CTXN3: variants seen among roughly 807,000 people sequenced by gnomAD.
The protein encoded by CTXN3 is cortexin-3.
A neutral mutation model predicts 5.0 loss-of-function variants in CTXN3; 4 were observed. The ratio of observed to expected loss-of-function variants is 0.79; its 90% CI spans 0.39 to 1.82. The LOEUF is 1.82. Ranked by LOEUF, CTXN3 falls within the 40% of genes most tolerant of loss-of-function variation. The pLI is 0.04. For missense variants in CTXN3, 89 were observed against 99.7 expected (o/e 0.89, Z 0.46); for synonymous variants, 48 against 38.6 (o/e 1.24, Z -0.91).
rs908276778 is a variant in CTXN3, at chr5:127,657,840, T to G, written c.*73T>G. The stretch of plus-strand genomic sequence containing the variant: ...CTTGGTGAGGATTCCCTTTATTTAG[T>G]GTTCTCAACAAATCAAATTTAAACA... On this transcript the variant is annotated 3_prime_UTR_variant, in exon 3 of 3. Transcript: ENST00000379445. The G allele has an allele frequency of 2.6e-6, 4 of 1,540,714 alleles. No individual in the cohort carries two copies. The highest frequency in any genetic ancestry group is 3.5e-6 in the Non-Finnish European group (4 of 1,129,476).
chr5:127,656,086 T>G (rs1749901162), intron 2 of CTXN3, among the ~76,000 whole-genome samples: 1 of 152,226 alleles, frequency 6.6e-6, no homozygotes, highest in South Asian at 2.1e-4. Context: ...TATTTTTATT[T>G]GGTTATTTTC....
Position 127,657,469 on chromosome 5 carries a change from G to T in CTXN3, c.-53G>T. ...GCAGCCACCATGACCTCCGCAGATT[G>T]ATGATGGAAGAAAAGAAAACCAGGA... On this transcript the variant is annotated 5_prime_UTR_variant, in exon 3 of 3. The change abolishes the stop of an existing upstream ORF in the 5' untranslated region. Transcript: ENST00000379445. 1 of 1,602,596 alleles carries T rather than the reference G, an allele frequency of 6.2e-7. No individual in the cohort carries two copies. The highest frequency in any genetic ancestry group is 8.5e-7 in the Non-Finnish European group (1 of 1,174,912).
At chr5:127,654,956 G>A (rs1436124110) in intron 2 of CTXN3, among the ~76,000 whole-genome samples, 2 of 152,034 alleles carry the variant, frequency 1.3e-5, no homozygotes, top group East Asian at 1.9e-4. Flanking sequence ...ATTATATGGT[G>A]TTTTCCTAAA....
Position 127,657,790 on chromosome 5 carries a change from C to T in CTXN3, c.*23C>T. ...TAGGAGGGATGGTGTGGGATCTCCT[C>T]CTGAGGAGATGAAGTGCTTTGTGTC... On this transcript the variant is annotated 3_prime_UTR_variant, in exon 3 of 3. Coordinates refer to ENST00000379445, the MANE Select transcript of CTXN3 (RefSeq NM_001048252.3). 6.2e-7 allele frequency: 1 copy of T among 1,612,942 alleles called. No individual in the cohort carries two copies. The highest frequency in any genetic ancestry group is 8.5e-7 in the Non-Finnish European group (1 of 1,179,262).
At chr5:127,652,556 G>A (rs1331544092) in intron 1 of CTXN3, among the ~76,000 whole-genome samples, 1 of 151,902 alleles carries the variant, frequency 6.6e-6, no homozygotes, top group South Asian at 2.1e-4. Context: ...CATCCTTGGT[G>A]AAGGGAAACA....
intron 1 of CTXN3, among the ~76,000 whole-genome samples, chr5:127,650,931 G>A (rs2126739938): frequency 6.6e-6 from 1 of 152,214 alleles, no homozygotes; most frequent in Admixed American, 6.5e-5. Flanking sequence ...AAAGTAGAGA[G>A]GGATTCTATT....
At position 127,657,529 on chromosome 5, in the gene CTXN3, G is replaced by A; in HGVS notation, c.8G>A (p.Gly3Glu). The A allele has an allele frequency of 6.2e-7, 1 of 1,613,968 alleles. No individual in the cohort carries two copies. Among genetic ancestry groups the A allele is most frequent in the Non-Finnish European group, 8.5e-7 (1 of 1,179,954 alleles). MD[G>E]GQPIPSSLVP... ...CTCTGGCTTCCCTGGACCATGGATGGAGGACAGCCCATCCCCTCATCCCTA... is the reference window on the plus strand; with the variant it reads ...CTCTGGCTTCCCTGGACCATGGATGAAGGACAGCCCATCCCCTCATCCCTA... Residue 3 changes from glycine to glutamate, a missense_variant, in exon 3 of 3, where the codon GGA becomes GAA. Physicochemically the swap from Gly to Glu is moderately conservative, Grantham distance 98 (BLOSUM62 -2). Coordinates refer to ENST00000379445, the MANE Select transcript of CTXN3 (RefSeq NM_001048252.3).
Position 127,658,298 on chromosome 5 carries a change from G to C in CTXN3, c.*531G>C, listed in dbSNP as rs137955368. On this transcript the variant is annotated 3_prime_UTR_variant, in exon 3 of 3. Coordinates refer to ENST00000379445, the MANE Select transcript of CTXN3 (RefSeq NM_001048252.3). The stretch of plus-strand genomic sequence containing the variant: ...GGGAGCTTTGGGAAGCAATGGAAAA[G>C]CTTAAAAGAGATGATTCTGTCCTTG... The C allele has an allele frequency of 7.0e-4, 118 of 168,762 alleles. No homozygotes were observed. Among genetic ancestry groups the C allele is most frequent in the Middle Eastern group, 3.4e-3 (1 of 296 alleles). The allele number at this position is 168,762 out of a possible 1,614,324, so 10.5% of individuals were successfully genotyped here.
chr5:127,656,251 A>C (rs1294900728), intron 2 of CTXN3, among the ~76,000 whole-genome samples: 3 of 152,188 alleles, frequency 2.0e-5, no homozygotes, highest in Non-Finnish European at 4.4e-5. Flanking sequence ...ATGTGATTTA[A>C]GTAGATTTCG....
In CTXN3 at chr5:127,658,560, CTT is replaced by C; in HGVS notation, c.*796_*797del. Reference sequence around the variant, plus strand: ...AAAGTTAATTGTTTAGAGGAGAAGACTTTTATAGTCTTCAGAGGAATGTGTAT... The same window carrying C: ...AAAGTTAATTGTTTAGAGGAGAAGACTTATAGTCTTCAGAGGAATGTGTAT... On this transcript the variant is annotated 3_prime_UTR_variant, in exon 3 of 3. Transcript: ENST00000379445. 2 of 166,826 alleles carry C rather than the reference CTT, an allele frequency of 1.2e-5. No individual in the cohort carries two copies. 10.3% of individuals were successfully genotyped at this position (166,826 alleles called of 1,614,324 possible). A position where few individuals can be genotyped will look rare whatever the true frequency, so the allele number is the denominator to read the frequency against.
In CTXN3 at chr5:127,649,258, CTGCCT is replaced by C. The variant is rs777950031; in HGVS notation, c.-333_-329del. 6.6e-6 allele frequency: 1 copy of C among 152,316 alleles called. No homozygotes were observed. Among genetic ancestry groups the C allele is most frequent in the Non-Finnish European group, 1.5e-5 (1 of 68,028 alleles). 9.4% of individuals were successfully genotyped at this position (152,316 alleles called of 1,614,324 possible). On this transcript the variant is annotated 5_prime_UTR_variant, in exon 1 of 3. Coordinates refer to ENST00000379445, the MANE Select transcript of CTXN3 (RefSeq NM_001048252.3). Reference sequence around the variant, plus strand: ...CTTTAGACCTGGGGTGTGCCATCAGCTGCCTTGCAGCTACCACTGTCTACTGCTTT... The same window carrying C: ...CTTTAGACCTGGGGTGTGCCATCAGCTGCAGCTACCACTGTCTACTGCTTT...
At chr5:127,649,522 G>A (rs1749740327) in intron 1 of CTXN3, 134 bp downstream of exon 1, 1 of 152,198 alleles carries the variant, frequency 6.6e-6, no homozygotes, top group South Asian at 2.1e-4. Context: ...TGTTAGATAA[G>A]TCTAATTAAA....
In CTXN3 at chr5:127,649,403, C is replaced by T. The variant is rs528207614; in HGVS notation, c.-207+15C>T. 40 of 152,308 alleles carry T rather than the reference C, an allele frequency of 2.6e-4. No homozygotes were observed. The highest frequency in any genetic ancestry group is 8.9e-4 in the African/African-American group (37 of 41,566). 9.4% of individuals were successfully genotyped at this position (152,308 alleles called of 1,614,324 possible). A position where few individuals can be genotyped will look rare whatever the true frequency, so the allele number is the denominator to read the frequency against. On this transcript the variant is annotated intron_variant, in intron 1 of 2. Transcript: ENST00000379445. ...GCCAGAGCCAGGTACTTGACCCAAC[C>T]TGTATCTTTGACGGGCTAATTAAAT...
chr5:127,657,518 G>A lies in CTXN3; in HGVS notation c.-4G>A. 2 of 1,613,830 alleles carry A rather than the reference G, an allele frequency of 1.2e-6. No homozygotes were observed. Among genetic ancestry groups the A allele is most frequent in the Non-Finnish European group, 1.7e-6 (2 of 1,179,924 alleles). On this transcript the variant is annotated 5_prime_UTR_variant, in exon 3 of 3. Coordinates refer to ENST00000379445, the MANE Select transcript of CTXN3 (RefSeq NM_001048252.3). ...GATATCCTGTGCTCTGGCTTCCCTG[G>A]ACCATGGATGGAGGACAGCCCATCC...
In CTXN3 at chr5:127,658,570, C is replaced by T. The variant is rs190738458; in HGVS notation, c.*803C>T. 1.6e-3 allele frequency: 272 copies of T among 166,796 alleles called. No homozygotes were observed. Among genetic ancestry groups the T allele is most frequent in the Middle Eastern group, 6.8e-3 (2 of 294 alleles). The allele number at this position is 166,796 out of a possible 1,614,324, so 10.3% of individuals were successfully genotyped here. ...GTTTAGAGGAGAAGACTTTTATAGT[C>T]TTCAGAGGAATGTGTATTTATGATT... On this transcript the variant is annotated 3_prime_UTR_variant, in exon 3 of 3. Coordinates refer to ENST00000379445, the MANE Select transcript of CTXN3 (RefSeq NM_001048252.3).
chr5:127,651,263 T>C (rs1305142844), intron 1 of CTXN3, among the ~76,000 whole-genome samples: 1 of 152,204 alleles, frequency 6.6e-6, no homozygotes, highest in African/African-American at 2.4e-5. Context: ...TTTTGACACC[T>C]ACTTTTGAAA....
At chr5:127,654,505 A>G (rs1749861005) in intron 2 of CTXN3, among the ~76,000 whole-genome samples, 1 of 152,202 alleles carries the variant, frequency 6.6e-6, no homozygotes, top group Admixed American at 6.5e-5. Context: ...AGGGTGACTG[A>G]AGAGGCAGAT....
intron 1 of CTXN3, among the ~76,000 whole-genome samples, chr5:127,650,814 G>T (rs1368920954): frequency 6.6e-6 from 1 of 152,098 alleles, no homozygotes; most frequent in Non-Finnish European, 1.5e-5. Context: ...AGGATCATTT[G>T]GGAGATTTAC....
chr5:127,656,845 C>G (rs192873657), intron 2 of CTXN3, among the ~76,000 whole-genome samples: 203 of 152,266 alleles, frequency 1.3e-3, no homozygotes, highest in Admixed American at 3.5e-3. Flanking sequence ...AGGTCCCACA[C>G]CCGTTTTGCA....
Sources: gnomAD v4.1 joint callset for allele counts (sites outside exome capture counted in the v4.1 genomes callset) on GRCh38, gnomAD v4.1.1 for gene constraint, MANE v1.5 for transcripts, NCBI Gene and HGNC (gene_info 2026-07-23, HGNC 2026-07-21) for gene names.